Variants in WWC2 observed in about 807,000 individuals in gnomAD.
The protein encoded by WWC2 is protein WWC2.
A neutral mutation model predicts 138.5 loss-of-function variants in WWC2; 101 were observed. The ratio of observed to expected loss-of-function variants is 0.73; its 90% confidence interval spans 0.62 to 0.86. WWC2 has a LOEUF of 0.86. Among genes scored for constraint, WWC2 ranks in the 40% least tolerant of loss-of-function variants. The pLI is 0.00. For synonymous variants in WWC2, 558 were observed against 538.4 expected, an observed-to-expected ratio of 1.04 and a Z score of -0.50; for missense variants, 1,420 against 1,419.4, an observed-to-expected ratio of 1.00 and a Z score of -0.01.
chr4:183,209,502 G>A (rs1295915816), intron 4 of WWC2, among the ~76,000 whole-genome samples: 1 of 152,178 alleles, frequency 6.6e-6, no homozygotes, highest in Non-Finnish European at 1.5e-5. Flanking sequence ...CTCCCAAAGT[G>A]CTGGGATTAT....
intron 16 of WWC2, among the ~76,000 whole-genome samples, chr4:183,278,448 C>G (rs922918126): frequency 2.0e-5 from 3 of 152,118 alleles, no homozygotes; most frequent in Non-Finnish European, 4.4e-5. Context: ...TTAGGATTGA[C>G]TTGGCGATGC....
At chr4:183,209,827 T>A (rs572344337) in intron 4 of WWC2, among the ~76,000 whole-genome samples, 1 of 152,342 alleles carries the variant, frequency 6.6e-6, no homozygotes, top group South Asian at 2.1e-4. Context: ...AATATTGAAG[T>A]CTGTTCACCA....
At chr4:183,282,452 G>T (rs1331594236) in intron 17 of WWC2, among the ~76,000 whole-genome samples, 9 of 152,072 alleles carry the variant, frequency 5.9e-5, no homozygotes. Context: ...TGTCTATTTT[G>T]ATATCTAGAA....
intron 4 of WWC2, among the ~76,000 whole-genome samples, chr4:183,211,190 T>C (rs1423826118): frequency 1.3e-5 from 2 of 152,230 alleles, no homozygotes; most frequent in Non-Finnish European, 2.9e-5. Flanking sequence ...CAAAAACTTA[T>C]ATTTGAACCT....
At chr4:183,110,906 T>C (rs973997349) in intron 1 of WWC2, among the ~76,000 whole-genome samples, 1 of 152,030 alleles carries the variant, frequency 6.6e-6, no homozygotes, top group African/African-American at 2.4e-5. Flanking sequence ...AGGTAAACGT[T>C]GAATTATAGA....
At chr4:183,104,941 C>G (rs961059937) in intron 1 of WWC2, among the ~76,000 whole-genome samples, 1 of 152,184 alleles carries the variant, frequency 6.6e-6, no homozygotes. Context: ...AGAGTTGGCT[C>G]TGTCGCCCAG....
At chr4:183,229,085 A>T (rs1268023708) in intron 4 of WWC2, among the ~76,000 whole-genome samples, 1 of 152,086 alleles carries the variant, frequency 6.6e-6, no homozygotes, top group Non-Finnish European at 1.5e-5. Context: ...GGAGGGCACA[A>T]GAGTGGCTTC....
At chr4:183,272,846 C>T (rs1004034185) in intron 16 of WWC2, among the ~76,000 whole-genome samples, 1 of 152,066 alleles carries the variant, frequency 6.6e-6, no homozygotes, top group African/African-American at 2.4e-5. Flanking sequence ...TTTATCTGTC[C>T]GTCAGCTGAT....
chr4:183,239,522 ATATT>A (rs1387107134), intron 4 of WWC2, among the ~76,000 whole-genome samples: 2 of 152,196 alleles, frequency 1.3e-5, no homozygotes, highest in Admixed American at 6.5e-5. Context: ...TTGACAACAA[ATATT>A]TATTGATCAT....
At chr4:183,133,193 G>A (rs1197609210) in intron 1 of WWC2, among the ~76,000 whole-genome samples, 2 of 131,674 alleles carry the variant, frequency 1.5e-5, no homozygotes, top group Non-Finnish European at 3.1e-5. Context: ...CTGTTGCCCA[G>A]GCTGGAGCTA....
rs549586200 is a variant in WWC2 at position 183,249,026 on chromosome 4, T to G, written c.879+166T>G. Among the ~76,000 whole-genome samples, 5 of 152,204 alleles carry G rather than the reference T, an allele frequency of 3.3e-5. No homozygotes were observed. In the Middle Eastern group the frequency reaches 0.01, roughly 311 times the overall value. The stretch of plus-strand genomic sequence containing the variant: ...AGTTTTAAAAATCATAGCCTTATCT[T>G]TTCTATCTAGGTGCCAAGTATGTCA... On this transcript the variant is annotated intron_variant, in intron 7 of 22. Coordinates refer to ENST00000403733, the MANE Select transcript of WWC2 (RefSeq NM_024949.6).
chr4:183,280,224 C>T (rs1475398714), intron 16 of WWC2, among the ~76,000 whole-genome samples: 2 of 130,464 alleles, frequency 1.5e-5, no homozygotes, highest in South Asian at 5.0e-4. Context: ...AGCCTGATAG[C>T]AGCTGTTTTT....
intron 1 of WWC2, among the ~76,000 whole-genome samples, chr4:183,138,649 C>A (rs1057028393): frequency 1.6e-4 from 24 of 152,152 alleles, no homozygotes; most frequent in African/African-American, 5.8e-4. Context: ...AAGTCATTAA[C>A]CTGATGGACA....
chr4:183,156,181 A>G (rs2111129357), intron 1 of WWC2, among the ~76,000 whole-genome samples: 1 of 151,784 alleles, frequency 6.6e-6, no homozygotes, highest in Middle Eastern at 3.4e-3. Context: ...TGCCGCTACC[A>G]CACCTGGCTA....
intron 14 of WWC2, among the ~76,000 whole-genome samples, chr4:183,266,796 C>A (rs1464139829): frequency 6.6e-6 from 1 of 152,078 alleles, no homozygotes. Flanking sequence ...AGGGGTGATC[C>A]CCAAGACTCT....
intron 2 of WWC2, among the ~76,000 whole-genome samples, chr4:183,203,931 A>G (rs550192211): frequency 6.6e-6 from 1 of 152,154 alleles, no homozygotes; most frequent in Non-Finnish European, 1.5e-5. Context: ...TCCAAGACCA[A>G]ACTTCTTCAG....
At chr4:183,302,519 ATCTCTC>A in intron 21 of WWC2, among the ~76,000 whole-genome samples, 1 of 151,652 alleles carries the variant, frequency 6.6e-6, no homozygotes, top group South Asian at 2.1e-4. Flanking sequence ...GTCGACGTCG[ATCTCTC>A]TCTCTCTCTG....
At chr4:183,107,499 C>T (rs1732062845) in intron 1 of WWC2, among the ~76,000 whole-genome samples, 1 of 152,130 alleles carries the variant, frequency 6.6e-6, no homozygotes, top group African/African-American at 2.4e-5. Flanking sequence ...GAGGTAGGAT[C>T]TTACTGTGGT....
chr4:183,169,600 T>G (rs934757972), intron 1 of WWC2, among the ~76,000 whole-genome samples: 4 of 152,142 alleles, frequency 2.6e-5, no homozygotes, highest in African/African-American at 9.7e-5. Flanking sequence ...TTATGTTTTT[T>G]GGGTGGCCAT....
Sources: allele counts gnomAD v4.1 joint callset (sites outside exome capture counted in the v4.1 genomes callset), GRCh38; gene constraint gnomAD v4.1.1; transcripts MANE v1.5; gene names NCBI Gene and HGNC (gene_info 2026-07-23, HGNC 2026-07-21).